The following IGSF21 variants were observed in gnomAD, a reference collection of about 807,000 sequenced individuals.
The protein encoded by IGSF21 is immunoglobulin superfamily member 21.
IGSF21 carries 28 observed loss-of-function variants against 46.8 expected under a neutral mutation model. The ratio of observed to expected loss-of-function variants is 0.60; its 90% CI spans 0.44 to 0.82. The LOEUF is 0.82. Ranked by LOEUF, IGSF21 falls within the 40% of genes least tolerant of loss-of-function variation. The probability of loss-of-function intolerance (pLI) is 0.00; values close to 1 mark genes in which losing one functional copy is unlikely to be tolerated. For synonymous variants in IGSF21, 284 were observed against 273.6 expected, an observed-to-expected ratio of 1.04 and a Z score of -0.38; for missense variants, 624 against 665.5, an observed-to-expected ratio of 0.94 and a Z score of 0.69.
intron 2 of IGSF21, among the ~76,000 whole-genome samples, chr1:18,238,735 G>A (rs1454999778): frequency 4.6e-5 from 7 of 152,000 alleles, no homozygotes; most frequent in East Asian, 1.9e-4. Flanking sequence ...AGAAAGACAC[G>A]GCATATCTAA....
At chr1:18,260,983 A>T (rs1206438534) in intron 2 of IGSF21, among the ~76,000 whole-genome samples, 2 of 152,146 alleles carry the variant, frequency 1.3e-5, no homozygotes, top group Admixed American at 1.3e-4. Context: ...AGGTGAAGAG[A>T]TGGGGGGACA....
At chr1:18,243,491 C>T (rs2084753448) in intron 2 of IGSF21, among the ~76,000 whole-genome samples, 1 of 152,222 alleles carries the variant, frequency 6.6e-6, no homozygotes, top group Admixed American at 6.5e-5. Flanking sequence ...TACTTCAAGT[C>T]AGCACCCTCC....
chr1:18,132,370 G>A (rs1024282248), intron 1 of IGSF21, among the ~76,000 whole-genome samples: 19 of 152,192 alleles, frequency 1.2e-4, no homozygotes, highest in African/African-American at 4.6e-4. Context: ...CTGACTCATT[G>A]ACTGTCAGAT....
chr1:18,376,257 A>G, intron 6 of IGSF21, 53 bp from the exon 7 acceptor site: 1 of 1,223,732 alleles, frequency 8.2e-7, no homozygotes, highest in Admixed American at 1.7e-5. Context: ...TCTTCCATGT[A>G]CCCTGTCCCT....
At chr1:18,119,909 T>G (rs2086219662) in intron 1 of IGSF21, among the ~76,000 whole-genome samples, 1 of 152,210 alleles carries the variant, frequency 6.6e-6, no homozygotes, top group African/African-American at 2.4e-5. Flanking sequence ...GTTAAAAATG[T>G]TAAGTACATA....
intron 9 of IGSF21, among the ~76,000 whole-genome samples, chr1:18,378,017 C>T (rs1242236822): frequency 2.6e-5 from 4 of 152,198 alleles, no homozygotes; most frequent in Non-Finnish European, 5.9e-5. Flanking sequence ...GAGGCTCCCA[C>T]TCTTGGTCCT....
intron 1 of IGSF21, among the ~76,000 whole-genome samples, chr1:18,169,911 A>G (rs1162703473): frequency 6.6e-6 from 1 of 151,478 alleles, no homozygotes; most frequent in Non-Finnish European, 1.5e-5. Context: ...TTGGCGGGGG[A>G]GGGGATCTCT....
intron 1 of IGSF21, among the ~76,000 whole-genome samples, chr1:18,227,265 G>T (rs1406727510): frequency 6.6e-6 from 1 of 152,052 alleles, no homozygotes; most frequent in African/African-American, 2.4e-5. Context: ...GGTTTCCCAG[G>T]GCTCTCTTTT....
chr1:18,129,924 G>A lies in IGSF21; in HGVS notation c.70+21726G>A, dbSNP rs533940962. ...AACATGGGATGACACAGCAAGAGGG[G>A]CCTCGTCAGATGCCAGCCTCTCCAT... On this transcript the variant is annotated intron_variant, in intron 1 of 9. Coordinates refer to ENST00000251296, the MANE Select transcript of IGSF21 (RefSeq NM_032880.5). Among the ~76,000 whole-genome samples the A allele has an allele frequency of 1.6e-3, 248 of 152,268 alleles. 6 individuals carry two copies. The South Asian group carries it at 0.039, about 24-fold the overall frequency.
Position 18,365,262 on chromosome 1 carries a change from C to T in IGSF21, c.580C>T (p.Pro194Ser), listed in dbSNP as rs1254936643. 4 of 1,612,818 alleles carry T rather than the reference C, an allele frequency of 2.5e-6. No individual in the cohort carries two copies. Among genetic ancestry groups the T allele is most frequent in the Non-Finnish European group, 3.4e-6 (4 of 1,179,308 alleles). ...AGATGGGGAACCAATCGACGCAGTG[C>T]CCCTATCAGAGCCACCAGCTGCGAG... ...KRDGEPIDAV[P>S]LSEPPAASSG... The change falls in exon 6 of 10, where the codon CCC becomes TCC. Residue 194 changes from proline (P) to serine (S), a missense_variant. Transcript: ENST00000251296. The surrounding 1 kb of genome is among the most constrained non-coding windows in gnomAD (Gnocchi z 4.8).
At chr1:18,192,425 A>G (rs2086966696) in intron 1 of IGSF21, among the ~76,000 whole-genome samples, 1 of 152,192 alleles carries the variant, frequency 6.6e-6, no homozygotes, top group Admixed American at 6.5e-5. Flanking sequence ...TAATGGAAGT[A>G]CTCGAGTCTG....
chr1:18,120,092 C>A (rs1428012634), intron 1 of IGSF21, among the ~76,000 whole-genome samples: 2 of 152,214 alleles, frequency 1.3e-5, no homozygotes, highest in African/African-American at 4.8e-5. Flanking sequence ...CAGGTTCTGG[C>A]AGGAAACGGC....
rs536137377 is a variant in IGSF21, at chr1:18,202,789, A to T, written c.71-25109A>T. The stretch of plus-strand genomic sequence containing the variant: ...ACAAAGCCAAACCATATCAATCAGT[A>T]TATCTATTTTTGGTTGGAACCATCA... On this transcript the variant is annotated intron_variant, in intron 1 of 9. Coordinates refer to ENST00000251296, the MANE Select transcript of IGSF21 (RefSeq NM_032880.5). Among the ~76,000 whole-genome samples the T allele has an allele frequency of 3.3e-5, 5 of 152,348 alleles. 1 individual carries two copies. The South Asian group carries it at 1.0e-3, about 32-fold the overall frequency.
chr1:18,368,797 C>T (rs75138832), intron 6 of IGSF21, among the ~76,000 whole-genome samples: 2 of 152,282 alleles, frequency 1.3e-5, no homozygotes, highest in South Asian at 4.1e-4. Context: ...GGCACCCTTG[C>T]CCCACCCCAC....
intron 4 of IGSF21, among the ~76,000 whole-genome samples, chr1:18,359,478 AGG>A (rs2086076105): frequency 1.1e-5 from 1 of 86,960 alleles, no homozygotes. Context: ...GAAGGAAGGA[AGG>A]AAGGAAGGAA....
intron 2 of IGSF21, among the ~76,000 whole-genome samples, chr1:18,256,373 T>A (rs2084892555): frequency 6.6e-6 from 1 of 152,224 alleles, no homozygotes; most frequent in Non-Finnish European, 1.5e-5. Flanking sequence ...TTGCTTTCAC[T>A]GCTGGAGCCG....
At chr1:18,283,643 G>A (rs1229231923) in intron 2 of IGSF21, among the ~76,000 whole-genome samples, 5 of 151,902 alleles carry the variant, frequency 3.3e-5, no homozygotes, top group African/African-American at 7.3e-5. Flanking sequence ...CTTCCTCTCC[G>A]CCTTCATTCC....
rs2085767754 is a variant in IGSF21, at chr1:18,336,526, G to A, written c.424+1516G>A. Among the ~76,000 whole-genome samples the A allele has an allele frequency of 3.9e-5, 6 of 152,182 alleles. No homozygotes were observed. In the South Asian group the frequency reaches 1.2e-3, roughly 31 times the overall value. On this transcript the variant is annotated intron_variant, in intron 4 of 9. Coordinates refer to ENST00000251296, the MANE Select transcript of IGSF21 (RefSeq NM_032880.5). The stretch of plus-strand genomic sequence containing the variant: ...CTATGATATCAGGCAGCTCAGTGTT[G>A]GGCCAGGACCCAGGCATCTTGACTC...
intron 3 of IGSF21, among the ~76,000 whole-genome samples, chr1:18,313,264 C>T (rs570976965): frequency 6.6e-6 from 1 of 152,264 alleles, no homozygotes; most frequent in South Asian, 2.1e-4. Context: ...GGATCCCTTC[C>T]AGGGAACCAG....
Sources: allele counts gnomAD v4.1 joint callset (sites outside exome capture counted in the v4.1 genomes callset), GRCh38; gene constraint gnomAD v4.1.1; non-coding constraint Gnocchi (gnomAD v3.1); transcripts MANE v1.5; gene names NCBI Gene and HGNC (gene_info 2026-07-23, HGNC 2026-07-21).